Variants in DMD observed in about 807,000 individuals in gnomAD.
DMD encodes the protein mutant dystrophin.
DMD carries 63 observed loss-of-function variants against 330.1 expected under a neutral mutation model. The ratio of observed to expected loss-of-function variants is 0.19; its 90% CI spans 0.16 to 0.24. The LOEUF (loss-of-function observed/expected upper bound fraction) is 0.24. Among genes scored for constraint, DMD ranks in the 10% least tolerant of loss-of-function variants. The pLI is 1.00. For synonymous variants in DMD, 1,223 were observed against 959.8 expected (o/e 1.27, Z -5.07); for missense variants, 3,344 against 2,684.1 (o/e 1.25, Z -5.43).
At chrX:32,991,970 T>G (rs1207812607) in intron 2 of DMD, among the ~76,000 whole-genome samples, 1 of 112,430 alleles carries the variant, frequency 8.9e-6, no homozygotes, top group African/African-American at 3.2e-5. Context: ...ATGCTCCTAT[T>G]TCTTTTCTTG....
rs746763444 is a variant in DMD at position 31,655,092 on chromosome X, T to A, written c.8027+2898A>T. Among the ~76,000 whole-genome samples, 4 of 111,720 alleles carry A rather than the reference T, an allele frequency of 3.6e-5. No homozygotes were observed. The South Asian group carries it at 1.5e-3, about 42-fold the overall frequency. The stretch of plus-strand genomic sequence containing the variant: ...TATTATAAATGTACCCTAAACTGCT[T>A]AACCCATTTATGCCTAAGGTTGCAA... On this transcript the variant is annotated intron_variant, in intron 54 of 78. Transcript: ENST00000357033.
At chrX:31,371,062 T>C (rs768155805) in intron 60 of DMD, among the ~76,000 whole-genome samples, 2 of 110,435 alleles carry the variant, frequency 1.8e-5, no homozygotes, top group East Asian at 5.7e-4. Flanking sequence ...AAAAGGCCAA[T>C]AGGAGGGATC....
At chrX:31,583,342 CTTA>C (rs2076427283) in intron 55 of DMD, among the ~76,000 whole-genome samples, 1 of 111,605 alleles carries the variant, frequency 9.0e-6, no homozygotes, top group African/African-American at 3.3e-5. Context: ...AGCAGCCATA[CTTA>C]TTATGGAAGA....
chrX:31,712,950 C>G (rs1412168017), intron 52 of DMD, among the ~76,000 whole-genome samples: 2 of 111,261 alleles, frequency 1.8e-5, no homozygotes, highest in Non-Finnish European at 3.8e-5. Flanking sequence ...ATTTCTTCCT[C>G]AATTAGAAGA....
chrX:33,292,221 A>G (rs2053522618), intron 1 of DMD, among the ~76,000 whole-genome samples: 1 of 111,275 alleles, frequency 9.0e-6, no homozygotes, highest in Non-Finnish European at 1.9e-5. Flanking sequence ...CAGTTACATT[A>G]TATTTAGTAC....
chrX:31,517,472 A>G (rs1038728082), intron 55 of DMD, among the ~76,000 whole-genome samples: 2 of 112,180 alleles, frequency 1.8e-5, no homozygotes, highest in Non-Finnish European at 3.8e-5. Context: ...AGTGTAGCCA[A>G]TGAGAGCTTA....
intron 53 of DMD, among the ~76,000 whole-genome samples, chrX:31,676,028 G>C (rs921566082): frequency 2.7e-5 from 3 of 112,032 alleles, no homozygotes; most frequent in Admixed American, 9.5e-5. Flanking sequence ...GGTTGGGTTT[G>C]AAACATTTCA....
chrX:32,571,134 C>T (rs1224602838), intron 15 of DMD, among the ~76,000 whole-genome samples: 1 of 111,660 alleles, frequency 9.0e-6, no homozygotes, highest in Non-Finnish European at 1.9e-5. Flanking sequence ...TTATGATTGA[C>T]CGTCTGAAGC....
intron 23 of DMD, among the ~76,000 whole-genome samples, chrX:32,466,367 C>G (rs1444333514): frequency 5.4e-5 from 6 of 111,569 alleles, no homozygotes; most frequent in Non-Finnish European, 1.1e-4. Flanking sequence ...ATTTCATAAT[C>G]CTTTTTCCTA....
At chrX:32,803,131 G>A (rs754732260) in intron 7 of DMD, among the ~76,000 whole-genome samples, 1 of 111,660 alleles carries the variant, frequency 9.0e-6, no homozygotes, top group African/African-American at 3.3e-5. Context: ...ATTAATTACT[G>A]CCTCAATTTC....
At chrX:33,317,853 TCA>T (rs1404458159) in intron 1 of DMD, among the ~76,000 whole-genome samples, 2 of 111,606 alleles carry the variant, frequency 1.8e-5, no homozygotes, top group Non-Finnish European at 3.8e-5. Context: ...ATTGAACACC[TCA>T]GTTACCTAAT....
At chrX:32,268,383 A>T (rs777981350) in intron 43 of DMD, among the ~76,000 whole-genome samples, 1 of 111,958 alleles carries the variant, frequency 8.9e-6, no homozygotes, top group Non-Finnish European at 1.9e-5. Context: ...TTTAAAAGTG[A>T]CTAACAAGAG....
chrX:32,548,417 G>T (rs1603636022), intron 16 of DMD, among the ~76,000 whole-genome samples: 1 of 111,711 alleles, frequency 9.0e-6, no homozygotes, highest in Admixed American at 9.5e-5. Context: ...GATGCTGAAG[G>T]CTAGATATAA....
At chrX:31,541,341 CTTT>C (rs202195666) in intron 55 of DMD, among the ~76,000 whole-genome samples, 1 of 106,725 alleles carries the variant, frequency 9.4e-6, no homozygotes, top group South Asian at 4.1e-4. Flanking sequence ...CAAATATTTT[CTTT>C]TTTTTTTATT....
At chrX:33,272,041 G>A (rs999273089) in intron 1 of DMD, among the ~76,000 whole-genome samples, 3 of 109,249 alleles carry the variant, frequency 2.7e-5, no homozygotes, top group African/African-American at 1.0e-4. Flanking sequence ...CCACCACCAC[G>A]CCTGACTAAT....
At chrX:33,134,225 C>T (rs190996248) in intron 1 of DMD, among the ~76,000 whole-genome samples, 1 of 111,684 alleles carries the variant, frequency 9.0e-6, no homozygotes, top group African/African-American at 3.2e-5. Context: ...AAGCTTTTCT[C>T]AATGAACTGA....
intron 55 of DMD, among the ~76,000 whole-genome samples, chrX:31,572,827 C>G (rs1684341270): frequency 8.9e-6 from 1 of 112,208 alleles, no homozygotes; most frequent in Admixed American, 9.4e-5. Context: ...TTCCCAAGTT[C>G]TAAGTACTTG....
chrX:31,986,421 GTT>G (rs969457304), intron 44 of DMD, among the ~76,000 whole-genome samples: 1 of 109,906 alleles, frequency 9.1e-6, no homozygotes, highest in Non-Finnish European at 1.9e-5. Flanking sequence ...TGTTTGTTTT[GTT>G]TTTTTTCTGA....
intron 43 of DMD, among the ~76,000 whole-genome samples, chrX:32,246,133 T>C (rs1293923048): frequency 1.1e-5 from 1 of 88,178 alleles, no homozygotes; most frequent in Non-Finnish European, 2.3e-5. Flanking sequence ...TTGAGATATG[T>C]CCCATCAATA....
Sources: gnomAD v4.1 joint callset for allele counts (sites outside exome capture counted in the v4.1 genomes callset) on GRCh38, gnomAD v4.1.1 for gene constraint, MANE v1.5 for transcripts, NCBI Gene and HGNC (gene_info 2026-07-23, HGNC 2026-07-21) for gene names.